ADGRB3: variants seen among roughly 807,000 people sequenced by gnomAD.
The protein encoded by ADGRB3 is brain-specific angiogenesis inhibitor 3.
Under a neutral mutation model 193.4 loss-of-function variants are expected in ADGRB3, and 37 were observed. The observed-to-expected ratio is 0.19, with a 90% CI of 0.15 to 0.25. The LOEUF (loss-of-function observed/expected upper bound fraction) is 0.25. Ranked by LOEUF, ADGRB3 falls within the 10% of genes least tolerant of loss-of-function variation. The pLI is 1.00. For synonymous variants in ADGRB3, 690 were observed against 644.2 expected (o/e 1.07, Z -1.08); for missense variants, 1,637 against 1,852.9 (o/e 0.88, Z 2.14).
intron 3 of ADGRB3, among the ~76,000 whole-genome samples, chr6:68,926,098 A>G (rs1767171568): frequency 1.3e-5 from 2 of 152,140 alleles, no homozygotes; most frequent in Non-Finnish European, 2.9e-5. Flanking sequence ...AAGTTAAAGA[A>G]ATGGTTCTCG....
chr6:69,022,102 A>G (rs1770287980), intron 13 of ADGRB3, among the ~76,000 whole-genome samples: 1 of 151,830 alleles, frequency 6.6e-6, no homozygotes, highest in Non-Finnish European at 1.5e-5. Flanking sequence ...GAAAGTTATA[A>G]TGCATGAGTT....
chr6:69,084,828 C>A (rs1772499831), intron 17 of ADGRB3, among the ~76,000 whole-genome samples: 1 of 151,974 alleles, frequency 6.6e-6, no homozygotes, highest in African/African-American at 2.4e-5. Context: ...TGATAAGAAT[C>A]AACAAAAAAG....
intron 20 of ADGRB3, among the ~76,000 whole-genome samples, chr6:69,320,467 T>C (rs1172129468): frequency 1.3e-5 from 2 of 151,564 alleles, no homozygotes; most frequent in Non-Finnish European, 3.0e-5. Context: ...TTCCCTCCTC[T>C]TGGACTTCTT....
chr6:68,636,958 CAAAAAAA>C (rs34410124), intron 1 of ADGRB3, among the ~76,000 whole-genome samples: 1 of 119,664 alleles, frequency 8.4e-6, no homozygotes, highest in Admixed American at 8.8e-5. Context: ...AGTGCAACAC[CAAAAAAA>C]AAAAAAAAAA....
At chr6:68,748,091 C>T (rs12197038) in intron 3 of ADGRB3, among the ~76,000 whole-genome samples, 59,844 of 151,618 alleles carry the variant, frequency 0.39, 12,473 homozygotes, top group African/African-American at 0.53. Context: ...CATTGGGTCC[C>T]TCCCACACAC....
At chr6:69,252,068 A>ATCCCC (rs1358054816) in intron 20 of ADGRB3, among the ~76,000 whole-genome samples, 1 of 152,058 alleles carries the variant, frequency 6.6e-6, no homozygotes, top group Non-Finnish European at 1.5e-5. Flanking sequence ...GTCAATCCCC[A>ATCCCC]TCCCCTCATA....
chr6:68,846,199 C>A (rs1040691683), intron 3 of ADGRB3, among the ~76,000 whole-genome samples: 1 of 152,142 alleles, frequency 6.6e-6, no homozygotes, highest in Non-Finnish European at 1.5e-5. Flanking sequence ...AATTTCTAAG[C>A]AGCAAAGCAT....
intron 3 of ADGRB3, among the ~76,000 whole-genome samples, chr6:68,642,032 T>C (rs7752462): frequency 0.18 from 27,265 of 151,964 alleles, 2,600 homozygotes; most frequent in South Asian, 0.3. Context: ...AATTGGGTTT[T>C]AAAAATTCCA....
Position 69,184,396 on chromosome 6 carries a change from C to T in ADGRB3, c.2481-48894C>T, listed in dbSNP as rs530250203. Among the ~76,000 whole-genome samples the T allele has an allele frequency of 2.0e-5, 3 of 152,118 alleles. No individual in the cohort carries two copies. The South Asian group carries it at 6.2e-4, about 32-fold the overall frequency. On this transcript the variant is annotated intron_variant, in intron 17 of 31. Transcript: ENST00000370598. ...ACGCTAATAAAAGTCAAACCACCAACATAATGGCTGCCAACAACAAAGAAA... is the reference window on the plus strand; with the variant it reads ...ACGCTAATAAAAGTCAAACCACCAATATAATGGCTGCCAACAACAAAGAAA...
Position 68,784,371 on chromosome 6 carries a change from C to T in ADGRB3, c.757+144939C>T, listed in dbSNP as rs80034793. On this transcript the variant is annotated intron_variant, in intron 3 of 31. Transcript: ENST00000370598. ...ACTTTTTTCTATGCTCACATATCACCTTGATCTGAGACAAATTATCTCTCA... is the reference window on the plus strand; with the variant it reads ...ACTTTTTTCTATGCTCACATATCACTTTGATCTGAGACAAATTATCTCTCA... Among the ~76,000 whole-genome samples, 703 of 152,186 alleles carry T rather than the reference C, an allele frequency of 4.6e-3. 6 individuals are homozygous for T. Among genetic ancestry groups the T allele is most frequent in the African/African-American group, 0.016 (667 of 41,550 alleles).
chr6:69,333,936 CAAAAT>C (rs70987461), intron 24 of ADGRB3, among the ~76,000 whole-genome samples: 3,586 of 110,058 alleles, frequency 0.033, 75 homozygotes, highest in Admixed American at 0.049. Flanking sequence ...TCTCAAAAAA[CAAAAT>C]AAAATAAAAT....
chr6:68,956,915 A>G, intron 8 of ADGRB3, 106 bp downstream of exon 8: 2 of 1,268,368 alleles, frequency 1.6e-6, no homozygotes, highest in Non-Finnish European at 2.2e-6. Context: ...CAACTAAAGA[A>G]CTACTAATGA....
At chr6:68,787,940 A>G (rs932597565) in intron 3 of ADGRB3, among the ~76,000 whole-genome samples, 8 of 152,098 alleles carry the variant, frequency 5.3e-5, no homozygotes, top group African/African-American at 1.4e-4. Context: ...GTTTATTTGC[A>G]TAGAGGTGTT....
intron 3 of ADGRB3, among the ~76,000 whole-genome samples, chr6:68,772,886 AAAAAAAAAATATATATATATAT>A (rs1221199681): frequency 2.4e-5 from 1 of 41,524 alleles, no homozygotes; most frequent in Non-Finnish European, 4.8e-5. Flanking sequence ...AACAAACAAA[AAAAAAAAAATATATATATATAT>A]ATATATATAT....
chr6:68,857,122 C>A (rs552566408), intron 3 of ADGRB3, among the ~76,000 whole-genome samples: 1 of 152,324 alleles, frequency 6.6e-6, no homozygotes, highest in South Asian at 2.1e-4. Context: ...TGCCGGATGA[C>A]CAGGCAGAAG....
At chr6:68,888,954 T>C (rs1369454998) in intron 3 of ADGRB3, among the ~76,000 whole-genome samples, 1 of 152,170 alleles carries the variant, frequency 6.6e-6, no homozygotes, top group Non-Finnish European at 1.5e-5. Context: ...AATCCATTAA[T>C]TGACTCAGAT....
chr6:69,144,548 T>C (rs1774427484), intron 17 of ADGRB3, among the ~76,000 whole-genome samples: 1 of 152,340 alleles, frequency 6.6e-6, no homozygotes, highest in Non-Finnish European at 1.5e-5. Flanking sequence ...CATGGGTCTG[T>C]TTTAAATGGG....
chr6:69,075,226 G>T (rs1001877861), intron 16 of ADGRB3, among the ~76,000 whole-genome samples: 2 of 152,132 alleles, frequency 1.3e-5, no homozygotes, highest in African/African-American at 2.4e-5. Context: ...GAGGATGAGA[G>T]AACTTGAAAC....
chr6:69,271,156 T>C (rs1200666243), intron 20 of ADGRB3, among the ~76,000 whole-genome samples: 1 of 152,172 alleles, frequency 6.6e-6, no homozygotes, highest in East Asian at 1.9e-4. Context: ...AATATGTAAA[T>C]ATGAAACAAA....
Sources: gnomAD v4.1 joint callset for allele counts (sites outside exome capture counted in the v4.1 genomes callset) on GRCh38, gnomAD v4.1.1 for gene constraint, MANE v1.5 for transcripts, NCBI Gene and HGNC (gene_info 2026-07-23, HGNC 2026-07-21) for gene names.